The following LDAH variants were observed in gnomAD, a reference collection of about 807,000 sequenced individuals.
LDAH encodes lipid droplet associated hydrolase.
A neutral mutation model predicts 29.6 loss-of-function variants in LDAH; 26 were observed. That is an observed-to-expected ratio of 0.88 (90% CI 0.64 to 1.22). The LOEUF (loss-of-function observed/expected upper bound fraction) is 1.22, where lower values mean the gene tolerates loss of function less well. LDAH is among the 50% of genes most tolerant of loss of function. The probability of loss-of-function intolerance (pLI) is 0.00; values close to 1 mark genes in which losing one functional copy is unlikely to be tolerated. For missense variants in LDAH, 344 were observed against 387.3 expected (o/e 0.89, Z 0.94); for synonymous variants, 117 against 133.0 (o/e 0.88, Z 0.83).
chr2:20,772,877 G>A (rs977615517), intron 4 of LDAH, among the ~76,000 whole-genome samples: 4 of 152,228 alleles, frequency 2.6e-5, no homozygotes, highest in African/African-American at 9.6e-5. Context: ...GAGCCTGGAT[G>A]CAGATCCATC....
intron 3 of LDAH, among the ~76,000 whole-genome samples, chr2:20,783,856 T>G (rs4971550): frequency 3.9e-5 from 6 of 152,092 alleles, no homozygotes; most frequent in African/African-American, 1.4e-4. Flanking sequence ...GAACCACAGG[T>G]GCGTGCCAGC....
intron 4 of LDAH, among the ~76,000 whole-genome samples, chr2:20,771,740 C>A (rs1190868745): frequency 1.3e-5 from 2 of 151,536 alleles, no homozygotes; most frequent in East Asian, 3.9e-4. Flanking sequence ...CCCCTCCTAC[C>A]CCCCAAAAGA....
At chr2:20,766,443 A>C (rs1392197485) in intron 4 of LDAH, among the ~76,000 whole-genome samples, 1 of 152,188 alleles carries the variant, frequency 6.6e-6, no homozygotes, top group Non-Finnish European at 1.5e-5. Context: ...ATGGGACTTG[A>C]ATATTCCAGG....
At chr2:20,757,297 G>A (rs911018578) in intron 4 of LDAH, among the ~76,000 whole-genome samples, 2 of 152,084 alleles carry the variant, frequency 1.3e-5, no homozygotes, top group African/African-American at 4.8e-5. Context: ...TAAAAGAGAA[G>A]GCACTCTAGG....
rs1662391134 is a variant in LDAH at position 20,684,078 on chromosome 2, C to T, written c.*2825G>A. Reference sequence around the variant, plus strand: ...TTTACAAATTCTAAAACATCTCAAACTTCCAAAAAATCTGCAAGTACAAAG... The same window carrying T: ...TTTACAAATTCTAAAACATCTCAAATTTCCAAAAAATCTGCAAGTACAAAG... On this transcript the variant is annotated 3_prime_UTR_variant, in exon 7 of 7. Coordinates refer to ENST00000237822, the MANE Select transcript of LDAH (RefSeq NM_021925.4). 1 of 152,194 alleles carries T rather than the reference C, an allele frequency of 6.6e-6. No individual in the cohort carries two copies. The highest frequency in any genetic ancestry group is 1.5e-5 in the Non-Finnish European group (1 of 68,030). 9.4% of individuals were successfully genotyped at this position (152,194 alleles called of 1,614,324 possible).
intron 5 of LDAH, among the ~76,000 whole-genome samples, chr2:20,731,384 A>ACGCCTGCT: frequency 6.6e-6 from 1 of 152,150 alleles, no homozygotes. Context: ...CCCATGTTAG[A>ACGCCTGCT]CGCCTGCTCC....
At chr2:20,743,883 T>C (rs1572528208) in intron 4 of LDAH, among the ~76,000 whole-genome samples, 1 of 150,894 alleles carries the variant, frequency 6.6e-6, no homozygotes, top group South Asian at 2.1e-4. Context: ...GTCCTTATTC[T>C]TTTTTTTTCT....
chr2:20,781,938 G>C (rs1446519608), intron 3 of LDAH, among the ~76,000 whole-genome samples: 1 of 152,058 alleles, frequency 6.6e-6, no homozygotes, highest in African/African-American at 2.4e-5. Flanking sequence ...ACACAAGCAG[G>C]CCAACTAGAG....
At chr2:20,718,494 C>T (rs112007364) in intron 5 of LDAH, among the ~76,000 whole-genome samples, 156 of 152,154 alleles carry the variant, frequency 1.0e-3, no homozygotes, top group African/African-American at 3.7e-3. Context: ...GTACCTAACA[C>T]CAGAACACCC....
At chr2:20,688,401 C>T (rs1662723523) in intron 6 of LDAH, among the ~76,000 whole-genome samples, 2 of 152,160 alleles carry the variant, frequency 1.3e-5, no homozygotes, top group African/African-American at 4.8e-5. Context: ...AGGTCATGGA[C>T]AGCATCTTCT....
Position 20,739,999 on chromosome 2 carries a change from T to C in LDAH, c.675A>G (p.Pro225=), listed in dbSNP as rs1667061706. The C allele has an allele frequency of 1.2e-6, 2 of 1,613,752 alleles. No individual in the cohort carries two copies. The highest frequency in any genetic ancestry group is 1.7e-6 in the Non-Finnish European group (2 of 1,179,810). The change falls in exon 5 of 7, where the codon CCA becomes CCG. Residue 225 remains proline (P), a synonymous_variant. Coordinates refer to ENST00000237822, the MANE Select transcript of LDAH (RefSeq NM_021925.4). Reference sequence around the variant, plus strand: ...GGCAGAATGGTTCTAATATATTCAATGGTGAAAATTCATTCTCTAGGTTCA... The same window carrying C: ...GGCAGAATGGTTCTAATATATTCAACGGTGAAAATTCATTCTCTAGGTTCA... The part of the protein sequence containing the change: ...QVMNLENEFS[P]LNILEPFCLA...
intron 2 of LDAH, among the ~76,000 whole-genome samples, chr2:20,799,087 C>G (rs1314851751): frequency 6.6e-6 from 1 of 151,808 alleles, no homozygotes; most frequent in Non-Finnish European, 1.5e-5. Flanking sequence ...ATTAGCCAGG[C>G]ATGGTGGCAG....
intron 5 of LDAH, among the ~76,000 whole-genome samples, chr2:20,715,924 A>G (rs1014833744): frequency 3.3e-5 from 5 of 152,172 alleles, no homozygotes; most frequent in Non-Finnish European, 7.4e-5. Flanking sequence ...AAGGATATGA[A>G]CAGACACTTC....
intron 3 of LDAH, among the ~76,000 whole-genome samples, chr2:20,788,121 C>T (rs1047546524): frequency 6.6e-6 from 1 of 152,082 alleles, no homozygotes; most frequent in Admixed American, 6.5e-5. Flanking sequence ...TTAATAAGCA[C>T]ATATAACTTT....
intron 1 of LDAH, among the ~76,000 whole-genome samples, chr2:20,802,074 GTA>G (rs541056326): frequency 6.7e-6 from 1 of 150,058 alleles, no homozygotes. Context: ...CAATATACAT[GTA>G]TATATATATA....
chr2:20,787,353 G>C (rs1310456537), intron 3 of LDAH, among the ~76,000 whole-genome samples: 1 of 151,866 alleles, frequency 6.6e-6, no homozygotes, highest in Admixed American at 6.6e-5. Flanking sequence ...GAGTGCAGTG[G>C]CACAATCTTG....
At position 20,774,970 on chromosome 2, in the gene LDAH, G is replaced by GCAAA. The variant is rs773421849; in HGVS notation, c.307_308insTTTG (p.Ala103ValfsTer6). 6.3e-7 allele frequency: 1 copy of GCAAA among 1,587,784 alleles called. No homozygotes were observed. On this transcript the variant is annotated frameshift_variant, in exon 4 of 7. Transcript: ENST00000237822. LOFTEE classifies it high-confidence loss of function. ...TCCATAAATGTCCTTAATTTCTTGA[G>GCAAA]CGTTTGAATCTAAAAGCAAAAATAT...
At chr2:20,767,025 G>A (rs1478732945) in intron 4 of LDAH, among the ~76,000 whole-genome samples, 1 of 152,232 alleles carries the variant, frequency 6.6e-6, no homozygotes, top group Non-Finnish European at 1.5e-5. Flanking sequence ...CATTCCTGGA[G>A]GTGCGCACTG....
chr2:20,716,389 A>G (rs1038782586), intron 5 of LDAH, among the ~76,000 whole-genome samples: 2 of 152,116 alleles, frequency 1.3e-5, no homozygotes, highest in Non-Finnish European at 2.9e-5. Context: ...ATGGAATACT[A>G]TGCAGCCATA....
Sources: allele counts gnomAD v4.1 joint callset (sites outside exome capture counted in the v4.1 genomes callset), GRCh38; gene constraint gnomAD v4.1.1; transcripts MANE v1.5; gene names NCBI Gene and HGNC (gene_info 2026-07-23, HGNC 2026-07-21).